CAMTA1: variants seen among roughly 807,000 people sequenced by gnomAD.
The protein encoded by CAMTA1 is calmodulin-binding transcription activator 1.
A neutral mutation model predicts 170.9 loss-of-function variants in CAMTA1; 27 were observed. The ratio of observed to expected loss-of-function variants is 0.16; its 90% CI spans 0.12 to 0.22. The LOEUF (loss-of-function observed/expected upper bound fraction) is 0.22. Ranked by LOEUF, CAMTA1 falls within the 10% of genes least tolerant of loss-of-function variation. The probability of loss-of-function intolerance (pLI) is 1.00; values close to 1 mark genes in which losing one functional copy is unlikely to be tolerated. For synonymous variants in CAMTA1, 833 were observed against 891.5 expected, an observed-to-expected ratio of 0.93 and a Z score of 1.17; for missense variants, 1,619 against 2,217.2, an observed-to-expected ratio of 0.73 and a Z score of 5.42.
intron 3 of CAMTA1, among the ~76,000 whole-genome samples, chr1:6,826,545 G>T (rs557992072): frequency 6.6e-6 from 1 of 152,246 alleles, no homozygotes; most frequent in East Asian, 1.9e-4. Flanking sequence ...ACTTGATTAT[G>T]AATTATTTAA....
intron 11 of CAMTA1, among the ~76,000 whole-genome samples, chr1:7,710,655 G>C (rs1476251399): frequency 1.3e-5 from 2 of 148,418 alleles, no homozygotes; most frequent in Admixed American, 6.7e-5. Flanking sequence ...TCCAGAATTA[G>C]TGTTATCTTC....
chr1:6,882,165 T>C (rs988826854), intron 3 of CAMTA1, among the ~76,000 whole-genome samples: 1 of 152,188 alleles, frequency 6.6e-6, no homozygotes, highest in African/African-American at 2.4e-5. Flanking sequence ...ATGAAAATTA[T>C]ATGAAATTCA....
intron 3 of CAMTA1, among the ~76,000 whole-genome samples, chr1:7,037,482 G>A (rs1423607419): frequency 6.6e-6 from 1 of 152,148 alleles, no homozygotes; most frequent in Non-Finnish European, 1.5e-5. Flanking sequence ...TCTCTGCTGG[G>A]TTCTTCGCAT....
chr1:7,139,950 A>C lies in CAMTA1; in HGVS notation c.302+48579A>C, dbSNP rs74051146. On this transcript the variant is annotated intron_variant, in intron 4 of 22. Transcript: ENST00000303635. ...ATTTAAAAATATATCAAGAATGACAATAAAGATTAGTTACCATTTATTGAG... is the reference window on the plus strand; with the variant it reads ...ATTTAAAAATATATCAAGAATGACACTAAAGATTAGTTACCATTTATTGAG... Among the ~76,000 whole-genome samples the C allele has an allele frequency of 3.8e-3, 576 of 152,344 alleles. 3 individuals carry two copies. Among genetic ancestry groups the C allele is most frequent in the African/African-American group, 0.013 (557 of 41,574 alleles).
intron 5 of CAMTA1, among the ~76,000 whole-genome samples, chr1:7,366,927 C>T (rs763962321): frequency 6.6e-6 from 1 of 152,174 alleles, no homozygotes; most frequent in Non-Finnish European, 1.5e-5. Context: ...AGGCACCTGG[C>T]GTCTGGTTAT....
chr1:7,095,862 A>G (rs1642019815), intron 4 of CAMTA1, among the ~76,000 whole-genome samples: 1 of 152,242 alleles, frequency 6.6e-6, no homozygotes, highest in South Asian at 2.1e-4. Context: ...CAGGACAGGC[A>G]GACAGCTGCA....
At chr1:7,750,235 G>C (rs1028792605) in intron 19 of CAMTA1, among the ~76,000 whole-genome samples, 1 of 152,202 alleles carries the variant, frequency 6.6e-6, no homozygotes, top group African/African-American at 2.4e-5. Context: ...GAAGGTTCTT[G>C]CAGAAGGGTC....
intron 4 of CAMTA1, among the ~76,000 whole-genome samples, chr1:7,198,397 G>A (rs886574260): frequency 3.9e-5 from 6 of 152,008 alleles, no homozygotes; most frequent in Non-Finnish European, 7.4e-5. Flanking sequence ...GAGTGGTACA[G>A]GAGGCCTCTG....
intron 5 of CAMTA1, among the ~76,000 whole-genome samples, chr1:7,284,183 A>ATTC (rs1485485878): frequency 3.5e-4 from 33 of 94,136 alleles, no homozygotes; most frequent in South Asian, 1.1e-3. Flanking sequence ...TCTTCTTATT[A>ATTC]TTATTATTAT....
intron 3 of CAMTA1, among the ~76,000 whole-genome samples, chr1:6,924,149 A>G (rs1682608674): frequency 6.6e-6 from 1 of 152,206 alleles, no homozygotes; most frequent in African/African-American, 2.4e-5. Context: ...AACACCTGCC[A>G]CATGCCAGGC....
intron 1 of CAMTA1, among the ~76,000 whole-genome samples, chr1:6,793,046 TTATA>T (rs368278840): frequency 3.3e-5 from 5 of 150,890 alleles, no homozygotes; most frequent in Admixed American, 3.3e-4. Flanking sequence ...TACCCCACTC[TTATA>T]TATATATATA....
intron 3 of CAMTA1, among the ~76,000 whole-genome samples, chr1:7,029,370 C>T (rs1201227780): frequency 2.0e-5 from 3 of 150,422 alleles, no homozygotes; most frequent in Non-Finnish European, 4.4e-5. Context: ...GGCGTGGTGG[C>T]GGGTGCCTGT....
intron 6 of CAMTA1, among the ~76,000 whole-genome samples, chr1:7,484,135 C>T (rs1459377990): frequency 2.0e-5 from 3 of 152,182 alleles, no homozygotes; most frequent in South Asian, 2.1e-4. Flanking sequence ...GGCCTGGGGC[C>T]GCAGGGCCAT....
Position 7,738,040 on chromosome 1 carries a change from A to T in CAMTA1, c.3740A>T (p.Lys1247Ile). ...HKDYPAPKKH[K>I]LNPEYFQTRQ... is the part of the protein sequence containing the mutation. The stretch of plus-strand genomic sequence containing the variant: ...GATTATCCGGCTCCCAAAAAGCATA[A>T]ATTGAACCCTGAGTACTTCCAGACA... Residue 1247 changes from lysine (K) to isoleucine (I), a missense_variant, in exon 16 of 23, where the codon AAA (lysine) becomes ATA (isoleucine). By Grantham distance (102) the Lys-to-Ile change is moderately radical. This residue lies in a region of CAMTA1 where 370 missense variants were observed against 429.4 expected (regional missense o/e 0.86). Transcript: ENST00000303635. The surrounding 1 kb of genome is among the most constrained non-coding windows in gnomAD (Gnocchi z 4.9). 6.2e-7 allele frequency: 1 copy of T among 1,614,158 alleles called. No homozygotes were observed. Among genetic ancestry groups the T allele is most frequent in the Non-Finnish European group, 8.5e-7 (1 of 1,180,026 alleles).
Position 6,927,332 on chromosome 1 carries a change from C to A in CAMTA1, c.234+102122C>A, listed in dbSNP as rs1271477610. On this transcript the variant is annotated intron_variant, in intron 3 of 22. Coordinates refer to ENST00000303635, the MANE Select transcript of CAMTA1 (RefSeq NM_015215.4). ...GCAGGTGTGAGCCACTGCACCCAGCCGCCTCAGTGATTTTTTTTCCTGATG... is the reference window on the plus strand; with the variant it reads ...GCAGGTGTGAGCCACTGCACCCAGCAGCCTCAGTGATTTTTTTTCCTGATG... Among the ~76,000 whole-genome samples the A allele has an allele frequency of 2.0e-5, 3 of 152,154 alleles. No homozygotes were observed. In the South Asian group the frequency reaches 6.2e-4, roughly 32 times the overall value.
intron 4 of CAMTA1, among the ~76,000 whole-genome samples, chr1:7,220,001 G>T (rs1483093444): frequency 6.6e-6 from 1 of 152,200 alleles, no homozygotes; most frequent in Non-Finnish European, 1.5e-5. Context: ...CTGGCATCTT[G>T]ATCTCAGACT....
intron 6 of CAMTA1, among the ~76,000 whole-genome samples, chr1:7,514,811 C>T (rs1557849645): frequency 6.6e-6 from 1 of 152,180 alleles, no homozygotes; most frequent in Admixed American, 6.5e-5. Flanking sequence ...GAGAATGTTC[C>T]ATTCGGGGCC....
intron 22 of CAMTA1, among the ~76,000 whole-genome samples, chr1:7,765,629 C>A (rs1192228247): frequency 6.6e-6 from 1 of 152,110 alleles, no homozygotes; most frequent in Non-Finnish European, 1.5e-5. Flanking sequence ...CTCCACAAAA[C>A]CTGTGTGAAG....
intron 3 of CAMTA1, among the ~76,000 whole-genome samples, chr1:6,930,553 A>G (rs1684214886): frequency 6.6e-6 from 1 of 152,186 alleles, no homozygotes; most frequent in Admixed American, 6.5e-5. Flanking sequence ...TGAGGAGCTC[A>G]TGGGGGTTAG....
Sources: allele counts gnomAD v4.1 joint callset (sites outside exome capture counted in the v4.1 genomes callset), GRCh38; gene constraint gnomAD v4.1.1; regional missense constraint gnomAD v4.1.1; non-coding constraint Gnocchi (gnomAD v3.1); transcripts MANE v1.5; gene names NCBI Gene and HGNC (gene_info 2026-07-23, HGNC 2026-07-21).